AMPH: variants seen among roughly 807,000 people sequenced by gnomAD.
The protein encoded by AMPH is amphiphysin, also known as amphiphysin (Stiff-Mann syndrome with breast cancer 128kD autoantigen).
Under a neutral mutation model 99.1 loss-of-function variants are expected in AMPH, and 49 were observed. The observed-to-expected ratio is 0.49, with a 90% CI of 0.39 to 0.63. The LOEUF (loss-of-function observed/expected upper bound fraction) is 0.63. Among genes scored for constraint, AMPH ranks in the 20% least tolerant of loss-of-function variants. AMPH has a pLI of 0.00. For synonymous variants in AMPH, 314 were observed against 317.3 expected (o/e 0.99, Z 0.11); for missense variants, 759 against 863.4 (o/e 0.88, Z 1.52).
chr7:38,586,962 C>T (rs10499604), intron 1 of AMPH, among the ~76,000 whole-genome samples: 42,706 of 152,012 alleles, frequency 0.28, 6,398 homozygotes, highest in Non-Finnish European at 0.34. Context: ...TCTCCTATCA[C>T]ACACTTTGGT....
At chr7:38,472,261 A>G (rs1175221473) in intron 7 of AMPH, among the ~76,000 whole-genome samples, 1 of 151,180 alleles carries the variant, frequency 6.6e-6, no homozygotes, top group Non-Finnish European at 1.5e-5. Context: ...ACTAATTTCA[A>G]TTTCAAGGTT....
At chr7:38,589,636 C>G (rs1179146129) in intron 1 of AMPH, among the ~76,000 whole-genome samples, 1 of 152,108 alleles carries the variant, frequency 6.6e-6, no homozygotes, top group Non-Finnish European at 1.5e-5. Flanking sequence ...TCTGCCCAAC[C>G]TGAAGATGAG....
intron 11 of AMPH, among the ~76,000 whole-genome samples, chr7:38,449,741 T>C (rs1337646797): frequency 6.6e-6 from 1 of 152,196 alleles, no homozygotes; most frequent in Non-Finnish European, 1.5e-5. Context: ...ATTCTTTCTG[T>C]CTTAAAATAA....
intron 1 of AMPH, among the ~76,000 whole-genome samples, chr7:38,602,170 T>C (rs890652271): frequency 1.3e-5 from 2 of 152,104 alleles, no homozygotes; most frequent in African/African-American, 2.4e-5. Flanking sequence ...CAGACGCCAA[T>C]AAGGGGGATG....
chr7:38,594,941 G>C (rs981223315), intron 1 of AMPH, among the ~76,000 whole-genome samples: 7 of 152,150 alleles, frequency 4.6e-5, no homozygotes, highest in Middle Eastern at 3.2e-3. Context: ...AAAAACAAGG[G>C]GGGGAAAGAA....
chr7:38,418,607 T>A (rs1285651843), intron 16 of AMPH, among the ~76,000 whole-genome samples: 1 of 152,224 alleles, frequency 6.6e-6, no homozygotes, highest in Non-Finnish European at 1.5e-5. Context: ...GCTACTACAA[T>A]CATAGATACT....
intron 2 of AMPH, among the ~76,000 whole-genome samples, chr7:38,533,206 T>C (rs1790478090): frequency 6.6e-6 from 1 of 152,190 alleles, no homozygotes; most frequent in Admixed American, 6.5e-5. Flanking sequence ...TAGAGGAGAC[T>C]AGGAGACTAC....
chr7:38,434,215 C>T (rs377140635), intron 12 of AMPH, among the ~76,000 whole-genome samples: 7 of 152,236 alleles, frequency 4.6e-5, no homozygotes, highest in Admixed American at 3.3e-4. Flanking sequence ...GATATATGTC[C>T]TTCAGAACTA....
chr7:38,391,505 C>T (rs191017830), intron 19 of AMPH, among the ~76,000 whole-genome samples: 14 of 152,278 alleles, frequency 9.2e-5, no homozygotes, highest in Admixed American at 5.9e-4. Flanking sequence ...AAAGACTCTC[C>T]CATTCATTAC....
At chr7:38,427,174 A>AG in intron 14 of AMPH, among the ~76,000 whole-genome samples, 188 bp from the exon 15 acceptor site, 1 of 14,100 alleles carries the variant, frequency 7.1e-5, no homozygotes, top group East Asian at 3.5e-3. Flanking sequence ...ATAGGCTGAC[A>AG]AAAAAAAAAA....
chr7:38,411,969 C>T (rs1785229600), intron 17 of AMPH, among the ~76,000 whole-genome samples: 1 of 152,110 alleles, frequency 6.6e-6, no homozygotes, highest in Non-Finnish European at 1.5e-5. Context: ...AAAGTATACA[C>T]CAAGGCAGAC....
intron 17 of AMPH, among the ~76,000 whole-genome samples, chr7:38,417,342 T>C (rs561083523): frequency 6.6e-6 from 1 of 152,338 alleles, no homozygotes; most frequent in South Asian, 2.1e-4. Context: ...TGTGAGCAAA[T>C]GGTGGTGCAT....
intron 16 of AMPH, among the ~76,000 whole-genome samples, chr7:38,420,751 A>G (rs1019286): frequency 0.72 from 109,706 of 151,964 alleles, 39,921 homozygotes; most frequent in East Asian, 0.94. Context: ...TCCTGAGAGA[A>G]CTAATTTAGT....
intron 19 of AMPH, 97 bp from the exon 20 acceptor site, chr7:38,390,002 A>G: frequency 2.1e-6 from 2 of 946,790 alleles, no homozygotes; most frequent in South Asian, 1.4e-5. Context: ...AAAGAGGAAG[A>G]TATTTGCCAT....
chr7:38,435,519 A>T (rs1786226367), intron 12 of AMPH, among the ~76,000 whole-genome samples: 1 of 152,202 alleles, frequency 6.6e-6, no homozygotes, highest in Non-Finnish European at 1.5e-5. Flanking sequence ...TTATATAAAC[A>T]GTTTCTGTTT....
At chr7:38,622,051 C>A (rs1172834961) in intron 1 of AMPH, among the ~76,000 whole-genome samples, 1 of 152,148 alleles carries the variant, frequency 6.6e-6, no homozygotes, top group African/African-American at 2.4e-5. Flanking sequence ...TTACTATATT[C>A]TTTCATGGGT....
At chr7:38,457,973 A>G (rs1051559185) in intron 11 of AMPH, among the ~76,000 whole-genome samples, 3 of 152,144 alleles carry the variant, frequency 2.0e-5, no homozygotes, top group Non-Finnish European at 4.4e-5. Flanking sequence ...TCATACAATG[A>G]CATATATGTC....
intron 16 of AMPH, among the ~76,000 whole-genome samples, chr7:38,421,797 A>C (rs1785588850): frequency 6.6e-6 from 1 of 152,204 alleles, no homozygotes; most frequent in African/African-American, 2.4e-5. Flanking sequence ...ATATCTCTTA[A>C]GGTCTCTTCA....
intron 5 of AMPH, among the ~76,000 whole-genome samples, chr7:38,484,199 G>A (rs955441234): frequency 1.3e-5 from 2 of 152,024 alleles, no homozygotes; most frequent in South Asian, 2.1e-4. Context: ...GAAAGCTATT[G>A]AAAGAAATAA....
Sources: allele counts gnomAD v4.1 joint callset (sites outside exome capture counted in the v4.1 genomes callset), GRCh38; gene constraint gnomAD v4.1.1; transcripts MANE v1.5; gene names NCBI Gene and HGNC (gene_info 2026-07-23, HGNC 2026-07-21).